VPS13B: variants seen among roughly 807,000 people sequenced by gnomAD.
VPS13B encodes vacuolar protein sorting 13 homolog B.
VPS13B carries 285 observed loss-of-function variants against 426.4 expected under a neutral mutation model. The observed-to-expected ratio is 0.67, with a 90% CI of 0.61 to 0.74. The LOEUF (loss-of-function observed/expected upper bound fraction) is 0.74, where lower values mean the gene tolerates loss of function less well. VPS13B is among the 30% of genes least tolerant of loss of function. The pLI is 0.00. For synonymous variants in VPS13B, 1,676 were observed against 1,676.4 expected, an observed-to-expected ratio of 1.00 and a Z score of 0.01; for missense variants, 4,537 against 4,782.6, an observed-to-expected ratio of 0.95 and a Z score of 1.51.
At chr8:99,434,903 C>G (rs1343726078) in intron 22 of VPS13B, among the ~76,000 whole-genome samples, 1 of 152,158 alleles carries the variant, frequency 6.6e-6, no homozygotes, top group East Asian at 1.9e-4. Flanking sequence ...TTAGAGGTAC[C>G]CTTTGTACAG....
At chr8:99,394,567 A>G (rs1814628301) in intron 21 of VPS13B, among the ~76,000 whole-genome samples, 1 of 152,146 alleles carries the variant, frequency 6.6e-6, no homozygotes, top group Non-Finnish European at 1.5e-5. Context: ...ATTCTAAATA[A>G]TCTTCCAGAG....
chr8:99,647,406 C>CA (rs1829624878), intron 34 of VPS13B, among the ~76,000 whole-genome samples: 1 of 149,656 alleles, frequency 6.7e-6, no homozygotes, highest in Non-Finnish European at 1.5e-5. Flanking sequence ...TACAAAAATA[C>CA]AAAAATTAGC....
Position 99,584,664 on chromosome 8 carries a change from T to C in VPS13B, c.5220+7031T>C, listed in dbSNP as rs557766587. On this transcript the variant is annotated intron_variant, in intron 33 of 61. Coordinates refer to ENST00000357162, the MANE Select transcript of VPS13B (RefSeq NM_152564.5). Reference sequence around the variant, plus strand: ...TATGAAAAGTGTTAAATATACTCTATGGAAAATTAGACTTATGAGTCCAGG... The same window carrying C: ...TATGAAAAGTGTTAAATATACTCTACGGAAAATTAGACTTATGAGTCCAGG... 2.6e-3 allele frequency among the ~76,000 whole-genome samples: 392 copies of C among 152,312 alleles called. 3 individuals carry two copies. The highest frequency in any genetic ancestry group is 2.7e-3 in the Non-Finnish European group (184 of 68,020).
intron 43 of VPS13B, among the ~76,000 whole-genome samples, chr8:99,798,792 C>T (rs1812990324): frequency 6.6e-6 from 1 of 152,202 alleles, no homozygotes; most frequent in African/African-American, 2.4e-5. Context: ...CAAGCCAGTG[C>T]TCTGCAAATG....
Position 99,081,610 on chromosome 8 carries a change from C to T in VPS13B, c.292-14702C>T, listed in dbSNP as rs915312585. On this transcript the variant is annotated intron_variant, in intron 3 of 61. Transcript: ENST00000357162. ...CCCACAACAGGCCCCCACCCCACAA[C>T]AGGCCCCCACCCCACAACAGGCCCC... Among the ~76,000 whole-genome samples the T allele has an allele frequency of 1.2e-4, 15 of 125,728 alleles. 2 individuals carry two copies. In the South Asian group the frequency reaches 4.1e-3, roughly 35 times the overall value. The allele number at this position is 125,728 out of a possible 152,430, so 82.5% of individuals were successfully genotyped here. A position where few individuals can be genotyped will look rare whatever the true frequency, so the allele number is the denominator to read the frequency against.
chr8:99,098,597 T>C (rs1173379448), intron 4 of VPS13B, among the ~76,000 whole-genome samples: 1 of 152,164 alleles, frequency 6.6e-6, no homozygotes, highest in African/African-American at 2.4e-5. Context: ...GGTAAGTCTT[T>C]GCATACACCT....
At chr8:99,627,164 GA>G (rs1828648752) in intron 33 of VPS13B, among the ~76,000 whole-genome samples, 1 of 152,088 alleles carries the variant, frequency 6.6e-6, no homozygotes, top group Admixed American at 6.6e-5. Flanking sequence ...CAGACTTTCA[GA>G]TAGACAAGAG....
intron 17 of VPS13B, among the ~76,000 whole-genome samples, chr8:99,261,619 A>T (rs1257132307): frequency 6.6e-6 from 1 of 152,178 alleles, no homozygotes; most frequent in Non-Finnish European, 1.5e-5. Flanking sequence ...ATGTATGTTT[A>T]GTTTTGTATG....
At position 99,870,776 on chromosome 8, in the gene VPS13B, T is replaced by C. The variant is rs1370103041; in HGVS notation, c.11393-9T>C. 4 of 1,613,932 alleles carry C rather than the reference T, an allele frequency of 2.5e-6. No individual in the cohort carries two copies. In the Middle Eastern group the frequency reaches 4.9e-4, roughly 200 times the overall value. On this transcript the variant is annotated splice_polypyrimidine_tract_variant and intron_variant, in intron 59 of 61. Coordinates refer to ENST00000357162, the MANE Select transcript of VPS13B (RefSeq NM_152564.5). ...AAGTAGTAAAACTCCCTTACTTCTC[T>C]TACCACAGGTATTTTACATGGAGCT...
chr8:99,252,998 A>G (rs550277357), intron 17 of VPS13B, among the ~76,000 whole-genome samples: 18 of 151,352 alleles, frequency 1.2e-4, no homozygotes, highest in Non-Finnish European at 2.1e-4. Flanking sequence ...CCCCATTCCT[A>G]TTTCCCCACA....
intron 21 of VPS13B, chr8:99,424,315 A>T (rs1047114162): frequency 4.0e-5 from 6 of 151,560 alleles, no homozygotes; most frequent in African/African-American, 1.5e-4. Flanking sequence ...TCTGCACGTG[A>T]GATGGGTTTC....
chr8:99,663,313 G>T (rs1257778925), intron 35 of VPS13B, among the ~76,000 whole-genome samples: 4 of 152,116 alleles, frequency 2.6e-5, no homozygotes, highest in East Asian at 1.9e-4. Flanking sequence ...TGTTTTTCTA[G>T]TGCTGGGATT....
intron 19 of VPS13B, among the ~76,000 whole-genome samples, chr8:99,314,710 G>GT (rs146534574): frequency 0.061 from 9,311 of 152,144 alleles, 513 homozygotes; most frequent in African/African-American, 0.15. Context: ...CTTGGCCTCC[G>GT]TAAGTACTGG....
intron 17 of VPS13B, among the ~76,000 whole-genome samples, chr8:99,217,447 A>G (rs1260461033): frequency 2.0e-5 from 3 of 152,156 alleles, no homozygotes; most frequent in Non-Finnish European, 2.9e-5. Flanking sequence ...TTCAGAGATA[A>G]TTTACTTTCA....
rs573338475 is a variant in VPS13B, at chr8:99,067,157, G to T, written c.291+28591G>T. The stretch of plus-strand genomic sequence containing the variant: ...CCCGTTACTAGGTATATACCCAAAA[G>T]AATATAAATCATGCTGCTATAAAGA... On this transcript the variant is annotated intron_variant, in intron 3 of 61. Transcript: ENST00000357162. Among the ~76,000 whole-genome samples the T allele has an allele frequency of 3.3e-5, 5 of 152,156 alleles. No individual in the cohort carries two copies. In the East Asian group the frequency reaches 5.8e-4, roughly 18 times the overall value.
At chr8:99,227,564 T>A (rs1816080922) in intron 17 of VPS13B, among the ~76,000 whole-genome samples, 1 of 152,168 alleles carries the variant, frequency 6.6e-6, no homozygotes, top group South Asian at 2.1e-4. Context: ...ATTTTAATAA[T>A]GAGCAGCAAA....
At chr8:99,099,345 T>C (rs1846605526) in intron 4 of VPS13B, among the ~76,000 whole-genome samples, 1 of 152,190 alleles carries the variant, frequency 6.6e-6, no homozygotes, top group African/African-American at 2.4e-5. Flanking sequence ...AAATAAATTT[T>C]ACACCAAAAA....
intron 35 of VPS13B, chr8:99,697,561 G>T: frequency 1.4e-6 from 1 of 694,834 alleles, no homozygotes; most frequent in Non-Finnish European, 2.6e-6. Context: ...ACTACAGCGA[G>T]AACATGCAAG....
chr8:99,405,154 C>G (rs1031246209), intron 21 of VPS13B, among the ~76,000 whole-genome samples: 4 of 152,132 alleles, frequency 2.6e-5, no homozygotes, highest in African/African-American at 9.7e-5. Flanking sequence ...GTCTAACTGA[C>G]CTGCTCTGTT....
Sources: gnomAD v4.1 joint callset for allele counts (sites outside exome capture counted in the v4.1 genomes callset) on GRCh38, gnomAD v4.1.1 for gene constraint, MANE v1.5 for transcripts, NCBI Gene and HGNC (gene_info 2026-07-23, HGNC 2026-07-21) for gene names.